The following GRM1 variants were observed in gnomAD, a reference collection of about 807,000 sequenced individuals.
GRM1 encodes the protein metabotropic glutamate receptor 1.
Under a neutral mutation model 90.9 loss-of-function variants are expected in GRM1, and 33 were observed. That is an observed-to-expected ratio of 0.36 (90% CI 0.28 to 0.49). The LOEUF (loss-of-function observed/expected upper bound fraction) is 0.49. Among genes scored for constraint, GRM1 ranks in the 20% least tolerant of loss-of-function variants. The probability of loss-of-function intolerance (pLI) is 0.99; values close to 1 mark genes in which losing one functional copy is unlikely to be tolerated. For synonymous variants in GRM1, 700 were observed against 613.2 expected (o/e 1.14, Z -2.09); for missense variants, 1,190 against 1,534.3 (o/e 0.78, Z 3.75).
At chr6:146,419,779 C>CA (rs1426988987) in intron 7 of GRM1, among the ~76,000 whole-genome samples, 15 of 152,162 alleles carry the variant, frequency 9.9e-5, no homozygotes, top group African/African-American at 3.4e-4. Flanking sequence ...CCTGAGAGCA[C>CA]ACTCACTATC....
At chr6:146,221,494 C>G (rs1780060642) in intron 2 of GRM1, among the ~76,000 whole-genome samples, 1 of 152,138 alleles carries the variant, frequency 6.6e-6, no homozygotes, top group Non-Finnish European at 1.5e-5. Context: ...TGGTTTCCAG[C>G]TTCATCTGTG....
At chr6:146,416,569 C>G (rs1777792572) in intron 7 of GRM1, among the ~76,000 whole-genome samples, 1 of 152,070 alleles carries the variant, frequency 6.6e-6, no homozygotes, top group Admixed American at 6.6e-5. Flanking sequence ...ATTTTACATC[C>G]TATCTTATAT....
chr6:146,120,983 TATTG>T (rs1257095242), intron 1 of GRM1, among the ~76,000 whole-genome samples: 1 of 152,210 alleles, frequency 6.6e-6, no homozygotes, highest in African/African-American at 2.4e-5. Context: ...CCTCTTTTTC[TATTG>T]ATTGGAATAG....
chr6:146,193,250 T>C (rs1302835099), intron 2 of GRM1, among the ~76,000 whole-genome samples: 1 of 152,136 alleles, frequency 6.6e-6, no homozygotes, highest in Non-Finnish European at 1.5e-5. Flanking sequence ...AGATGCACAT[T>C]TGGGAGTCAT....
chr6:146,117,879 A>G, intron 1 of GRM1, among the ~76,000 whole-genome samples: 1 of 152,140 alleles, frequency 6.6e-6, no homozygotes, highest in Admixed American at 6.5e-5. Context: ...TACATTATAG[A>G]TATTTTACTT....
Position 146,286,379 on chromosome 6 carries a change from G to A in GRM1, c.951-18232G>A, listed in dbSNP as rs1031256569. ...TTTTAAAGAATTTCACATTTAAATA[G>A]CATGTGACTTTAAAAAACCTATCTA... On this transcript the variant is annotated intron_variant, in intron 2 of 7. Coordinates refer to ENST00000282753, the MANE Select transcript of GRM1 (RefSeq NM_001278064.2). Among the ~76,000 whole-genome samples the A allele has an allele frequency of 3.3e-5, 5 of 152,182 alleles. No individual in the cohort carries two copies. The South Asian group carries it at 1.0e-3, about 32-fold the overall frequency.
chr6:146,139,733 A>G (rs1011143841), intron 1 of GRM1, among the ~76,000 whole-genome samples: 1 of 152,050 alleles, frequency 6.6e-6, no homozygotes, highest in Admixed American at 6.6e-5. Flanking sequence ...GCAATAGATC[A>G]TTGGGTCTTA....
intron 1 of GRM1, among the ~76,000 whole-genome samples, chr6:146,103,854 G>A (rs905559049): frequency 1.3e-5 from 2 of 152,152 alleles, no homozygotes; most frequent in Non-Finnish European, 2.9e-5. Flanking sequence ...ATACAACATC[G>A]TAAGTGCTAT....
chr6:146,267,697 G>GTCTCGTCTCGTCTCGT (rs1781962434), intron 2 of GRM1, among the ~76,000 whole-genome samples: 4 of 110,536 alleles, frequency 3.6e-5, no homozygotes, highest in African/African-American at 1.6e-4. Context: ...GCTCGGCTCG[G>GTCTCGTCTCGTCTCGT]CTCGGCTCGT....
At position 146,333,622 on chromosome 6, in the gene GRM1, G is replaced by T. The variant is rs547167574; in HGVS notation, c.1187-18628G>T. Among the ~76,000 whole-genome samples the T allele has an allele frequency of 3.9e-5, 6 of 152,180 alleles. No homozygotes were observed. In the East Asian group the frequency reaches 1.2e-3, roughly 29 times the overall value. Reference sequence around the variant, plus strand: ...GGAGAATGAGATGGTGAAAACCAGGGGCCAGAAGAGTGGGCTCTTTAGTCA... The same window carrying T: ...GGAGAATGAGATGGTGAAAACCAGGTGCCAGAAGAGTGGGCTCTTTAGTCA... On this transcript the variant is annotated intron_variant, in intron 3 of 7. Coordinates refer to ENST00000282753, the MANE Select transcript of GRM1 (RefSeq NM_001278064.2).
intron 5 of GRM1, among the ~76,000 whole-genome samples, chr6:146,376,753 T>G (rs550630588): frequency 6.6e-6 from 1 of 152,106 alleles, no homozygotes; most frequent in Non-Finnish European, 1.5e-5. Context: ...CTTGAGGTAG[T>G]CTTCTTTGGG....
intron 1 of GRM1, among the ~76,000 whole-genome samples, chr6:146,050,785 A>C (rs1791496011): frequency 6.6e-6 from 1 of 152,082 alleles, no homozygotes; most frequent in South Asian, 2.1e-4. Flanking sequence ...ATTACGGCAT[A>C]TGCCTATGAG....
At chr6:146,406,017 A>T (rs945002001) in intron 7 of GRM1, among the ~76,000 whole-genome samples, 10 of 152,228 alleles carry the variant, frequency 6.6e-5, no homozygotes, top group Non-Finnish European at 1.5e-4. Context: ...CATTAAAAGA[A>T]GTAGGAAATT....
intron 2 of GRM1, among the ~76,000 whole-genome samples, chr6:146,272,060 T>C (rs1213641046): frequency 2.6e-5 from 4 of 152,190 alleles, no homozygotes; most frequent in African/African-American, 7.2e-5. Flanking sequence ...TGTGTCCAGA[T>C]ACACAGTAGA....
In GRM1 at chr6:146,399,104, A is replaced by G; in HGVS notation, c.2065A>G (p.Ser689Gly). Reference sequence around the variant, plus strand: ...TCGTATTGCACGCATCCTGGCTGGCAGCAAGAAGAAGATCTGCACCCGGAA... The same window carrying G: ...TCGTATTGCACGCATCCTGGCTGGCGGCAAGAAGAAGATCTGCACCCGGAA... Reference protein sequence around the residue: ...TNRIARILAGSKKKICTRKPR... With the variant: ...TNRIARILAGGKKKICTRKPR... The change falls in exon 7 of 8, where the codon AGC becomes GGC. Residue 689 changes from serine to glycine, a missense_variant. Ser to Gly is a moderately conservative substitution (Grantham distance 56, BLOSUM62 0). Around this residue, in one of 10 missense-constraint regions of GRM1, gnomAD observed 414 missense variants for 598.4 expected, o/e 0.69. Coordinates refer to ENST00000282753, the MANE Select transcript of GRM1 (RefSeq NM_001278064.2). This position sits in a 1 kb window ranked among gnomAD's most constrained non-coding sequence, Gnocchi z 5.4. The G allele has an allele frequency of 1.9e-6, 3 of 1,614,098 alleles. No homozygotes were observed. Among genetic ancestry groups the G allele is most frequent in the Non-Finnish European group, 1.7e-6 (2 of 1,180,008 alleles).
At chr6:146,170,896 A>G (rs1562507068) in intron 2 of GRM1, among the ~76,000 whole-genome samples, 1 of 152,114 alleles carries the variant, frequency 6.6e-6, no homozygotes, top group Non-Finnish European at 1.5e-5. Context: ...TAACAATTCC[A>G]GATACTAATC....
intron 1 of GRM1, among the ~76,000 whole-genome samples, chr6:146,118,144 T>TC (rs1454034345): frequency 4.9e-5 from 7 of 143,300 alleles, no homozygotes; most frequent in East Asian, 2.0e-4. Context: ...TCTTTTCTTT[T>TC]TTTTTTTTTT....
In GRM1 at chr6:146,073,849, G is replaced by A. The variant is rs149850808; in HGVS notation, c.700+43632G>A. On this transcript the variant is annotated intron_variant, in intron 1 of 7. Coordinates refer to ENST00000282753, the MANE Select transcript of GRM1 (RefSeq NM_001278064.2). Reference sequence around the variant, plus strand: ...ATTGCATTGTGAGGAAAAAATAAACGTGTGGATCACAAAAGTAACTGGCCA... The same window carrying A: ...ATTGCATTGTGAGGAAAAAATAAACATGTGGATCACAAAAGTAACTGGCCA... 4.9e-4 allele frequency among the ~76,000 whole-genome samples: 75 copies of A among 152,222 alleles called. No homozygotes were observed. In the East Asian group the frequency reaches 0.01, roughly 20 times the overall value.
chr6:146,365,755 G>A (rs755356993), intron 5 of GRM1, among the ~76,000 whole-genome samples: 3 of 152,116 alleles, frequency 2.0e-5, no homozygotes, highest in Non-Finnish European at 4.4e-5. Context: ...CAACATCTTA[G>A]CGGGACCTTA....
Sources: allele counts gnomAD v4.1 joint callset (sites outside exome capture counted in the v4.1 genomes callset), GRCh38; gene constraint gnomAD v4.1.1; regional missense constraint gnomAD v4.1.1; non-coding constraint Gnocchi (gnomAD v3.1); transcripts MANE v1.5; gene names NCBI Gene and HGNC (gene_info 2026-07-23, HGNC 2026-07-21).